PID1: variants seen among roughly 807,000 people sequenced by gnomAD.
PID1 encodes phosphotyrosine interaction domain containing 1.
PID1 carries 10 observed loss-of-function variants against 19.1 expected under a neutral mutation model. That is an observed-to-expected ratio of 0.52 (90% CI 0.32 to 0.89). The LOEUF (loss-of-function observed/expected upper bound fraction) is 0.89. PID1 is among the 40% of genes least tolerant of loss of function. The pLI is 0.03. For missense variants in PID1, 248 were observed against 285.3 expected (o/e 0.87, Z 0.94); for synonymous variants, 130 against 116.0 (o/e 1.12, Z -0.78).
chr2:229,186,261 C>A (rs1319012077), intron 1 of PID1, among the ~76,000 whole-genome samples: 1 of 152,146 alleles, frequency 6.6e-6, no homozygotes, highest in Admixed American at 6.5e-5. Flanking sequence ...AGTGGGCTGG[C>A]ATTGAGTGTC....
At chr2:229,200,331 G>C (rs1574715882) in intron 1 of PID1, among the ~76,000 whole-genome samples, 1 of 151,928 alleles carries the variant, frequency 6.6e-6, no homozygotes, top group African/African-American at 2.4e-5. Flanking sequence ...GAATTGCTTG[G>C]GGGGAGTGCA....
intron 1 of PID1, among the ~76,000 whole-genome samples, chr2:229,265,895 T>G (rs1412745299): frequency 6.6e-6 from 1 of 152,024 alleles, no homozygotes; most frequent in Non-Finnish European, 1.5e-5. Context: ...TGCCTAACAC[T>G]CCAAGATAAC....
At position 229,165,530 on chromosome 2, in the gene PID1, T is replaced by C. The variant is rs543060709; in HGVS notation, c.31-9566A>G. On this transcript the variant is annotated intron_variant, in intron 1 of 2. Coordinates refer to ENST00000392055, the MANE Select transcript of PID1 (RefSeq NM_001100818.2). ...AGGAGTTCCAGGCTGCAGTGAGCTA[T>C]GATCAAGCCACTGCACTCCAGCCTG... 3.3e-5 allele frequency among the ~76,000 whole-genome samples: 5 copies of C among 151,862 alleles called. No homozygotes were observed. In the South Asian group the frequency reaches 8.3e-4, roughly 25 times the overall value.
At chr2:229,048,656 G>A (rs1693931559) in intron 2 of PID1, among the ~76,000 whole-genome samples, 1 of 152,090 alleles carries the variant, frequency 6.6e-6, no homozygotes, top group Admixed American at 6.5e-5. Flanking sequence ...CAAAAGGAAG[G>A]GCAGACAGCA....
At chr2:229,121,168 G>A (rs903028559) in intron 2 of PID1, among the ~76,000 whole-genome samples, 2 of 152,000 alleles carry the variant, frequency 1.3e-5, no homozygotes, top group African/African-American at 2.4e-5. Flanking sequence ...TGTTTCTCTG[G>A]AGAACCCTGA....
chr2:229,045,024 G>A (rs763732179), intron 2 of PID1, among the ~76,000 whole-genome samples: 15 of 151,978 alleles, frequency 9.9e-5, no homozygotes, highest in Middle Eastern at 3.4e-3. Flanking sequence ...TACAATCTCC[G>A]TTCACTGCAA....
chr2:229,225,624 C>T (rs6737370), intron 1 of PID1, among the ~76,000 whole-genome samples: 5,333 of 152,134 alleles, frequency 0.035, 271 homozygotes, highest in African/African-American at 0.12. Context: ...TAGTCCCTTC[C>T]CATGCTGCTA....
intron 1 of PID1, among the ~76,000 whole-genome samples, chr2:229,229,108 A>G (rs991202852): frequency 2.0e-5 from 3 of 152,302 alleles, no homozygotes; most frequent in Non-Finnish European, 1.5e-5. Flanking sequence ...CACTAAGTCT[A>G]TGTGTGCAGT....
intron 2 of PID1, among the ~76,000 whole-genome samples, chr2:229,037,026 AT>A (rs1242403455): frequency 1.3e-5 from 2 of 152,114 alleles, no homozygotes; most frequent in Non-Finnish European, 2.9e-5. Flanking sequence ...CTTACTCTTA[AT>A]TTTTTTAATA....
At chr2:229,175,159 T>C (rs1034122104) in intron 1 of PID1, among the ~76,000 whole-genome samples, 1 of 152,176 alleles carries the variant, frequency 6.6e-6, no homozygotes, top group Non-Finnish European at 1.5e-5. Context: ...GAAAAAAAGT[T>C]CTTGTTTTTT....
chr2:229,042,008 T>C lies in PID1; in HGVS notation c.178-15900A>G, dbSNP rs1693780350. On this transcript the variant is annotated intron_variant, in intron 2 of 2. Coordinates refer to ENST00000392055, the MANE Select transcript of PID1 (RefSeq NM_001100818.2). ...ATTGTGAAAATATGAGTAATGTCTC[T>C]AGATTATAAAATAGTATTGTATAAA... Among the ~76,000 whole-genome samples, 3 of 152,220 alleles carry C rather than the reference T, an allele frequency of 2.0e-5. No homozygotes were observed. The South Asian group carries it at 6.2e-4, about 32-fold the overall frequency.
chr2:229,041,758 C>T (rs577661851), intron 2 of PID1, among the ~76,000 whole-genome samples: 2 of 152,212 alleles, frequency 1.3e-5, no homozygotes, highest in South Asian at 4.1e-4. Context: ...ACATTACTTC[C>T]ATTACCCCCC....
intron 1 of PID1, among the ~76,000 whole-genome samples, chr2:229,163,686 T>TGTGCGCGCGCATGTGC (rs1553570295): frequency 8.0e-6 from 1 of 124,902 alleles, no homozygotes; most frequent in Non-Finnish European, 1.9e-5. Context: ...CGTGTGCGTG[T>TGTGCGCGCGCATGTGC]GTGTGTGTGT....
intron 2 of PID1, among the ~76,000 whole-genome samples, chr2:229,117,497 T>A (rs929800999): frequency 6.6e-6 from 1 of 152,160 alleles, no homozygotes; most frequent in African/African-American, 2.4e-5. Flanking sequence ...GTCCTGCCCT[T>A]CTCCATCCTT....
intron 2 of PID1, among the ~76,000 whole-genome samples, chr2:229,052,213 A>ATCC (rs1372182975): frequency 6.6e-6 from 1 of 152,176 alleles, no homozygotes; most frequent in Non-Finnish European, 1.5e-5. Context: ...CTCATAATTC[A>ATCC]TATATGTGGA....
intron 1 of PID1, among the ~76,000 whole-genome samples, chr2:229,196,976 A>T (rs76730286): frequency 1.3e-5 from 2 of 148,590 alleles, no homozygotes; most frequent in African/African-American, 4.9e-5. Context: ...TAGACAAAAA[A>T]GTAAGACAGT....
At chr2:229,253,649 T>A (rs1690211876) in intron 1 of PID1, among the ~76,000 whole-genome samples, 2 of 151,398 alleles carry the variant, frequency 1.3e-5, no homozygotes, top group South Asian at 4.2e-4. Flanking sequence ...GCATGCACAG[T>A]TTTTACACGG....
At chr2:229,139,061 AAG>A (rs1689937021) in intron 2 of PID1, among the ~76,000 whole-genome samples, 2 of 41,866 alleles carry the variant, frequency 4.8e-5, no homozygotes, top group East Asian at 1.3e-3. Flanking sequence ...AAGAAAGAGA[AAG>A]AAAGAAAGAA....
At chr2:229,168,846 C>G (rs1384428964) in intron 1 of PID1, among the ~76,000 whole-genome samples, 3 of 152,114 alleles carry the variant, frequency 2.0e-5, no homozygotes, top group Non-Finnish European at 4.4e-5. Context: ...TGTGGGGTTT[C>G]AAGTCAATCT....
Sources: allele counts gnomAD v4.1 joint callset (sites outside exome capture counted in the v4.1 genomes callset), GRCh38; gene constraint gnomAD v4.1.1; transcripts MANE v1.5; gene names NCBI Gene and HGNC (gene_info 2026-07-23, HGNC 2026-07-21).